GREB1L: variants seen among roughly 807,000 people sequenced by gnomAD.
The protein encoded by GREB1L is GREB1 like retinoic acid receptor coactivator, also known as GREB1-like protein.
GREB1L carries 17 observed loss-of-function variants against 200.8 expected under a neutral mutation model. The observed-to-expected ratio is 0.08, with a 90% CI of 0.06 to 0.13. GREB1L has a LOEUF of 0.13. Among genes scored for constraint, GREB1L ranks in the 10% least tolerant of loss-of-function variants. GREB1L has a pLI of 1.00. For synonymous variants in GREB1L, 789 were observed against 893.0 expected (o/e 0.88, Z 2.08); for missense variants, 1,657 against 2,367.7 (o/e 0.70, Z 6.23).
At chr18:21,336,542 T>C (rs2039188024) in intron 1 of GREB1L, among the ~76,000 whole-genome samples, 1 of 152,220 alleles carries the variant, frequency 6.6e-6, no homozygotes, top group African/African-American at 2.4e-5. Context: ...TACCTATTAG[T>C]AGTAAAGCAA....
intron 18 of GREB1L, among the ~76,000 whole-genome samples, chr18:21,489,040 T>G (rs977353402): frequency 4.6e-5 from 7 of 152,226 alleles, no homozygotes; most frequent in African/African-American, 1.7e-4. Flanking sequence ...AAGCACCTGC[T>G]TTCTTGACTA....
intron 31 of GREB1L, among the ~76,000 whole-genome samples, chr18:21,519,884 G>A (rs1387809836): frequency 6.6e-6 from 1 of 151,722 alleles, no homozygotes; most frequent in East Asian, 1.9e-4. Flanking sequence ...TCTGTTCACA[G>A]AAGCCAGATA....
intron 16 of GREB1L, among the ~76,000 whole-genome samples, chr18:21,474,849 T>C (rs1294312878): frequency 2.0e-5 from 3 of 152,202 alleles, no homozygotes; most frequent in Admixed American, 1.3e-4. Flanking sequence ...TTGTTACTTA[T>C]GCAAATTTCT....
chr18:21,430,860 T>G (rs913965698), intron 7 of GREB1L, among the ~76,000 whole-genome samples: 3 of 151,560 alleles, frequency 2.0e-5, no homozygotes, highest in Non-Finnish European at 4.4e-5. Flanking sequence ...CCTCCCAAAG[T>G]GCTGGGATTA....
In GREB1L at chr18:21,439,505, T is replaced by A. The variant is rs1284677405; in HGVS notation, c.833-16T>A. 1 of 1,459,068 alleles carries A rather than the reference T, an allele frequency of 6.9e-7. No individual in the cohort carries two copies. Among genetic ancestry groups the A allele is most frequent in the African/African-American group, 1.4e-5 (1 of 71,328 alleles). 90.4% of individuals were successfully genotyped at this position (1,459,068 alleles called of 1,614,324 possible). On this transcript the variant is annotated splice_polypyrimidine_tract_variant and intron_variant, in intron 7 of 32. Transcript: ENST00000424526. Reference sequence around the variant, plus strand: ...CCAGCCTCTGTTCTGAGCACTCCTCTCCTTGTGTTCTACAGATGCTGCTAA... The same window carrying A: ...CCAGCCTCTGTTCTGAGCACTCCTCACCTTGTGTTCTACAGATGCTGCTAA...
At chr18:21,499,642 C>T in intron 21 of GREB1L, 87 bp from the exon 22 acceptor site, 1 of 918,650 alleles carries the variant, frequency 1.1e-6, no homozygotes, top group Non-Finnish European at 1.7e-6. Flanking sequence ...AGCCCAGTGT[C>T]CACTGCTTTC....
At chr18:21,473,568 CAAA>C (rs1261372851) in intron 16 of GREB1L, among the ~76,000 whole-genome samples, 9 of 46,642 alleles carry the variant, frequency 1.9e-4, no homozygotes, top group African/African-American at 4.5e-4. Context: ...GACTTTGTCT[CAAA>C]AAAAAAAAAA....
At chr18:21,500,870 A>T (rs2036760400) in intron 23 of GREB1L, among the ~76,000 whole-genome samples, 1 of 152,074 alleles carries the variant, frequency 6.6e-6, no homozygotes. Flanking sequence ...GGAGTTCAAG[A>T]CCAGCCTGGG....
intron 1 of GREB1L, among the ~76,000 whole-genome samples, chr18:21,266,104 T>G (rs777293891): frequency 2.0e-5 from 3 of 152,204 alleles, no homozygotes; most frequent in Non-Finnish European, 4.4e-5. Flanking sequence ...TCTCTACCTA[T>G]TAAATCCTAT....
chr18:21,495,137 T>G (rs1427223269), intron 19 of GREB1L, among the ~76,000 whole-genome samples: 2 of 152,220 alleles, frequency 1.3e-5, no homozygotes, highest in Admixed American at 1.3e-4. Context: ...GCTTGTTAGT[T>G]ATTTTAAAAG....
intron 11 of GREB1L, 52 bp downstream of exon 11, chr18:21,444,461 G>A (rs2034094510): frequency 7.2e-7 from 1 of 1,391,620 alleles, no homozygotes; most frequent in African/African-American, 1.4e-5. Context: ...AGGATTTTTT[G>A]TGATGTACTT....
At chr18:21,331,014 A>AT (rs2039099627) in intron 1 of GREB1L, among the ~76,000 whole-genome samples, 1 of 152,170 alleles carries the variant, frequency 6.6e-6, no homozygotes, top group South Asian at 2.1e-4. Flanking sequence ...AGTTTTGAGA[A>AT]TTTCTTTTTT....
chr18:21,255,564 AG>A lies in GREB1L; in HGVS notation c.-120+13173del, dbSNP rs1007700329. ...TGTTTAAATGCAGATTCTGAGCCCTAGGAATAGGCCCTGAGCCACTTTCATG... is the reference window on the plus strand; with the variant it reads ...TGTTTAAATGCAGATTCTGAGCCCTAGAATAGGCCCTGAGCCACTTTCATG... On this transcript the variant is annotated intron_variant, in intron 1 of 32. Coordinates refer to ENST00000424526, the MANE Select transcript of GREB1L (RefSeq NM_001142966.3). Among the ~76,000 whole-genome samples, 5 of 152,312 alleles carry A rather than the reference AG, an allele frequency of 3.3e-5. No individual in the cohort carries two copies. In the South Asian group the frequency reaches 8.3e-4, roughly 25 times the overall value.
intron 15 of GREB1L, among the ~76,000 whole-genome samples, chr18:21,462,973 T>C (rs560940568): frequency 6.6e-6 from 1 of 152,254 alleles, no homozygotes; most frequent in Non-Finnish European, 1.5e-5. Flanking sequence ...AACAGTTTTC[T>C]TACTGTATGT....
At chr18:21,442,623 A>C (rs2033959855) in intron 10 of GREB1L, among the ~76,000 whole-genome samples, 1 of 152,184 alleles carries the variant, frequency 6.6e-6, no homozygotes. Flanking sequence ...CATATTTTGG[A>C]CATATTTTAT....
intron 1 of GREB1L, among the ~76,000 whole-genome samples, chr18:21,319,479 TAAAC>T (rs1418805350): frequency 2.0e-5 from 3 of 152,266 alleles, no homozygotes; most frequent in African/African-American, 4.8e-5. Context: ...TCAGAGTTAA[TAAAC>T]AAAAGTTAGA....
chr18:21,477,464 C>A, intron 17 of GREB1L, 108 bp downstream of exon 17: 1 of 868,032 alleles, frequency 1.2e-6, no homozygotes, highest in Non-Finnish European at 1.6e-6. Flanking sequence ...CATAAGAATT[C>A]AAAATCTAAC....
intron 7 of GREB1L, among the ~76,000 whole-genome samples, chr18:21,428,196 C>CAAAAAAAAAAA (rs60750456): frequency 2.1e-5 from 1 of 48,138 alleles, no homozygotes; most frequent in African/African-American, 4.6e-5. Flanking sequence ...GACTCCGTCT[C>CAAAAAAAAAAA]AAAAAAAAAA....
chr18:21,421,522 GGAAAGAA>G (rs1485805315), intron 7 of GREB1L, among the ~76,000 whole-genome samples: 2 of 152,138 alleles, frequency 1.3e-5, no homozygotes, highest in East Asian at 3.8e-4. Flanking sequence ...AGTTAACCCA[GGAAAGAA>G]GCAAATTATA....
Sources: gnomAD v4.1 joint callset for allele counts (sites outside exome capture counted in the v4.1 genomes callset) on GRCh38, gnomAD v4.1.1 for gene constraint, MANE v1.5 for transcripts, NCBI Gene and HGNC (gene_info 2026-07-23, HGNC 2026-07-21) for gene names.